SLC14A2: variants seen among roughly 807,000 people sequenced by gnomAD.
The protein encoded by SLC14A2 is solute carrier family 14 member 2.
A neutral mutation model predicts 104.6 loss-of-function variants in SLC14A2; 91 were observed. The ratio of observed to expected loss-of-function variants is 0.87; its 90% CI spans 0.73 to 1.04. The LOEUF is 1.04. Ranked by LOEUF, SLC14A2 falls within the 50% of genes least tolerant of loss-of-function variation. The pLI is 0.00. For missense variants in SLC14A2, 1,189 were observed against 1,156.0 expected, an observed-to-expected ratio of 1.03 and a Z score of -0.41; for synonymous variants, 476 against 466.4, an observed-to-expected ratio of 1.02 and a Z score of -0.27.
chr18:45,331,357 G>A (rs1288041810), intron 1 of SLC14A2, among the ~76,000 whole-genome samples: 1 of 152,176 alleles, frequency 6.6e-6, no homozygotes, highest in Non-Finnish European at 1.5e-5. Flanking sequence ...AGATGGCAAA[G>A]AAGTAACCCT....
At chr18:45,580,085 C>A (rs940971921) in intron 2 of SLC14A2, among the ~76,000 whole-genome samples, 1 of 152,064 alleles carries the variant, frequency 6.6e-6, no homozygotes, top group Admixed American at 6.6e-5. Context: ...AGCCACAATA[C>A]CTCAATCCTT....
At chr18:45,301,372 C>A (rs936876149) in intron 1 of SLC14A2, among the ~76,000 whole-genome samples, 13 of 152,316 alleles carry the variant, frequency 8.5e-5, no homozygotes, top group Non-Finnish European at 5.9e-5. Flanking sequence ...TGGGAGATGA[C>A]CACTTCCAGT....
intron 2 of SLC14A2, among the ~76,000 whole-genome samples, chr18:45,522,363 A>C (rs1246963759): frequency 1.3e-5 from 2 of 152,184 alleles, no homozygotes; most frequent in African/African-American, 2.4e-5. Context: ...AAACTCGAGA[A>C]GGTAACCCCG....
At chr18:45,558,838 TG>T (rs1405350296) in intron 2 of SLC14A2, among the ~76,000 whole-genome samples, 1 of 152,218 alleles carries the variant, frequency 6.6e-6, no homozygotes, top group Non-Finnish European at 1.5e-5. Context: ...GTCGCCAGGC[TG>T]GAGTGCAGTG....
At chr18:45,392,169 C>T (rs773264578) in intron 1 of SLC14A2, among the ~76,000 whole-genome samples, 3 of 152,188 alleles carry the variant, frequency 2.0e-5, no homozygotes, top group East Asian at 1.9e-4. Flanking sequence ...TTGGAGTGGG[C>T]AAAGTGAAAG....
intron 2 of SLC14A2, among the ~76,000 whole-genome samples, chr18:45,550,807 A>G (rs1319298586): frequency 6.6e-6 from 1 of 152,216 alleles, no homozygotes; most frequent in Non-Finnish European, 1.5e-5. Context: ...TCCTTCTGGG[A>G]CAGGTCCTGT....
At chr18:45,583,544 G>A (rs1050439489) in intron 2 of SLC14A2, among the ~76,000 whole-genome samples, 68 of 152,098 alleles carry the variant, frequency 4.5e-4, no homozygotes, top group African/African-American at 1.6e-3. Flanking sequence ...CGTATACATG[G>A]TATTTATTCA....
intron 1 of SLC14A2, among the ~76,000 whole-genome samples, chr18:45,287,442 G>A (rs546884189): frequency 3.3e-4 from 50 of 152,360 alleles, no homozygotes; most frequent in Non-Finnish European, 5.4e-4. Context: ...AGGCCTTCAT[G>A]TGAAGAGCAG....
At chr18:45,185,971 A>C in the SLC14A2 span, among the ~76,000 whole-genome samples, 1 of 152,204 alleles carries the variant, frequency 6.6e-6, no homozygotes, top group Admixed American at 6.5e-5. Flanking sequence ...TGAGAAAATA[A>C]AGATCTAAAT....
chr18:45,598,884 G>C (rs969010078), intron 2 of SLC14A2, among the ~76,000 whole-genome samples: 3 of 152,154 alleles, frequency 2.0e-5, no homozygotes, highest in African/African-American at 7.2e-5. Context: ...CAGACCGCTT[G>C]CTTCATTTTT....
chr18:45,639,352 A>G (rs912493909), intron 6 of SLC14A2, among the ~76,000 whole-genome samples: 9 of 152,200 alleles, frequency 5.9e-5, no homozygotes, highest in African/African-American at 2.2e-4. Flanking sequence ...AAAATGGCCT[A>G]CTGTATTTTC....
intron 2 of SLC14A2, among the ~76,000 whole-genome samples, chr18:45,601,520 G>C (rs1333921600): frequency 6.6e-6 from 1 of 152,204 alleles, no homozygotes; most frequent in African/African-American, 2.4e-5. Context: ...ACCACTCAGA[G>C]CTATAATATT....
intron 10 of SLC14A2, among the ~76,000 whole-genome samples, chr18:45,648,829 A>T (rs2045675258): frequency 6.6e-6 from 1 of 151,908 alleles, no homozygotes; most frequent in East Asian, 1.9e-4. Context: ...TAGAAGTTTG[A>T]TCATGATACT....
At chr18:45,538,960 A>G (rs2043843243) in intron 2 of SLC14A2, among the ~76,000 whole-genome samples, 1 of 143,960 alleles carries the variant, frequency 6.9e-6, no homozygotes, top group Admixed American at 7.5e-5. Context: ...CCTTCCTGCC[A>G]CAGCTTTGCT....
intron 1 of SLC14A2, among the ~76,000 whole-genome samples, chr18:45,392,198 G>A (rs971825724): frequency 6.6e-6 from 1 of 152,164 alleles, no homozygotes; most frequent in Non-Finnish European, 1.5e-5. Context: ...ACTACCCAAG[G>A]CCACTGTGGC....
the SLC14A2 span, among the ~76,000 whole-genome samples, chr18:45,207,026 A>G: frequency 1.3e-5 from 2 of 152,192 alleles, no homozygotes; most frequent in Non-Finnish European, 2.9e-5. Flanking sequence ...TTTTCTGCAT[A>G]GTAGATAATG....
chr18:45,517,518 G>C (rs925460171), intron 2 of SLC14A2, among the ~76,000 whole-genome samples: 1 of 152,200 alleles, frequency 6.6e-6, no homozygotes, highest in African/African-American at 2.4e-5. Flanking sequence ...AGGAGGGTTT[G>C]TTATTCTTTT....
intron 1 of SLC14A2, among the ~76,000 whole-genome samples, chr18:45,264,343 A>C (rs1198260124): frequency 6.6e-6 from 1 of 152,216 alleles, no homozygotes; most frequent in Non-Finnish European, 1.5e-5. Context: ...TTTCTACAAT[A>C]TATTGCTCCC....
chr18:45,292,822 A>G (rs1484570176), intron 1 of SLC14A2, among the ~76,000 whole-genome samples: 1 of 152,198 alleles, frequency 6.6e-6, no homozygotes, highest in African/African-American at 2.4e-5. Flanking sequence ...GTTAGGAAAT[A>G]AAACTTTCAA....
Sources: gnomAD v4.1 joint callset for allele counts (sites outside exome capture counted in the v4.1 genomes callset) on GRCh38, gnomAD v4.1.1 for gene constraint, MANE v1.5 for transcripts, NCBI Gene and HGNC (gene_info 2026-07-23, HGNC 2026-07-21) for gene names.